SPTB: variants seen among roughly 807,000 people sequenced by gnomAD.
SPTB encodes spectrin beta, erythrocytic.
Under a neutral mutation model 256.2 loss-of-function variants are expected in SPTB, and 45 were observed. The observed-to-expected ratio is 0.18, with a 90% CI of 0.14 to 0.23. SPTB has a LOEUF of 0.23. Ranked by LOEUF, SPTB falls within the 10% of genes least tolerant of loss-of-function variation. The pLI is 1.00. For missense variants in SPTB, 2,715 were observed against 3,040.4 expected (o/e 0.89, Z 2.52); for synonymous variants, 1,231 against 1,243.1 (o/e 0.99, Z 0.21).
chr14:64,797,400 G>A (rs1347182944), intron 10 of SPTB, among the ~76,000 whole-genome samples: 3 of 147,384 alleles, frequency 2.0e-5, no homozygotes, highest in Non-Finnish European at 3.0e-5. Context: ...CCAGGAGGAC[G>A]AGGCTGCAGT....
chr14:64,827,703 G>A lies in SPTB; in HGVS notation c.-51-4558C>T, dbSNP rs1392499327. ...TCACTAGAATGAGAAGCAATAAGAC[G>A]TGCAGTGCAGAATACTTACTCTAAA... On this transcript the variant is annotated intron_variant, in intron 1 of 35. Coordinates refer to ENST00000644917, the MANE Select transcript of SPTB (RefSeq NM_001355436.2). The surrounding 1 kb of genome is among the most constrained non-coding windows in gnomAD (Gnocchi z 4.6). Among the ~76,000 whole-genome samples the A allele has an allele frequency of 6.6e-6, 1 of 152,162 alleles. No individual in the cohort carries two copies. The highest frequency in any genetic ancestry group is 1.5e-5 in the Non-Finnish European group (1 of 68,040).
At chr14:64,770,516 G>T (rs1029914464) in intron 27 of SPTB, among the ~76,000 whole-genome samples, 1 of 152,164 alleles carries the variant, frequency 6.6e-6, no homozygotes, top group East Asian at 1.9e-4. Flanking sequence ...TGGGGGAAGG[G>T]CCCCCTCACA....
At position 64,775,480 on chromosome 14, in the gene SPTB, C is replaced by T; in HGVS notation, c.4564-77G>A. ...GGCTGCTTCAGCAGTGGCAGCACAG[C>T]TCTGACACCCTTGGTCCCTCTCACC... On this transcript the variant is annotated intron_variant, in intron 22 of 35. Transcript: ENST00000644917. This position sits in a 1 kb window ranked among gnomAD's most constrained non-coding sequence, Gnocchi z 5.0. 2.0e-6 allele frequency: 3 copies of T among 1,536,708 alleles called. No individual in the cohort carries two copies. Among genetic ancestry groups the T allele is most frequent in the Non-Finnish European group, 2.6e-6 (3 of 1,136,228 alleles).
rs909195231 is a variant in SPTB, at chr14:64,779,623, C to T, written c.4473+102G>A. 3.5e-5 allele frequency: 41 copies of T among 1,184,616 alleles called. No individual in the cohort carries two copies. The highest frequency in any genetic ancestry group is 2.5e-6 in the Non-Finnish European group (2 of 792,650). The allele number at this position is 1,184,616 out of a possible 1,614,324, so 73.4% of individuals were successfully genotyped here. On this transcript the variant is annotated intron_variant, in intron 21 of 35. Transcript: ENST00000644917. This position sits in a 1 kb window ranked among gnomAD's most constrained non-coding sequence, Gnocchi z 4.2. The stretch of plus-strand genomic sequence containing the variant: ...CCTATGAGATAAGGGGTGAGGTGAC[C>T]AGTCATCTACTGCCAAAAATTGCTC...
chr14:64,879,248 C>G (rs954933358), intron 1 of SPTB, among the ~76,000 whole-genome samples: 6 of 152,192 alleles, frequency 3.9e-5, no homozygotes, highest in African/African-American at 1.4e-4. Context: ...CTCCCAGCAC[C>G]CGGAGGCCCG....
chr14:64,750,204 T>G, intron 33 of SPTB, 50 bp from the exon 34 acceptor site: 618 of 1,547,728 alleles, frequency 4.0e-4, no homozygotes, highest in Non-Finnish European at 5.1e-4. Context: ...ATGGTATCTC[T>G]AGAGTCAATT....
chr14:64,841,485 T>G lies in SPTB; in HGVS notation c.-51-18340A>C, dbSNP rs890031933. Among the ~76,000 whole-genome samples, 2 of 152,212 alleles carry G rather than the reference T, an allele frequency of 1.3e-5. No homozygotes were observed. Among genetic ancestry groups the G allele is most frequent in the African/African-American group, 4.8e-5 (2 of 41,452 alleles). ...AAGGCAACAGGAAAGAAAGATGATCTGCACTGGAGGCCCAGGAGGCTCTTC... is the reference window on the plus strand; with the variant it reads ...AAGGCAACAGGAAAGAAAGATGATCGGCACTGGAGGCCCAGGAGGCTCTTC... On this transcript the variant is annotated intron_variant, in intron 1 of 35. Coordinates refer to ENST00000644917, the MANE Select transcript of SPTB (RefSeq NM_001355436.2). The surrounding 1 kb of genome is among the most constrained non-coding windows in gnomAD (Gnocchi z 4.6).
In SPTB at chr14:64,806,539, G is replaced by A. The variant is rs190766012; in HGVS notation, c.149-1449C>T. On this transcript the variant is annotated intron_variant, in intron 2 of 35. Coordinates refer to ENST00000644917, the MANE Select transcript of SPTB (RefSeq NM_001355436.2). This position sits in a 1 kb window ranked among gnomAD's most constrained non-coding sequence, Gnocchi z 4.1. ...TGATTCAACAATAACAAAAAGAGGA[G>A]CTTAGCCAGTTCTGCCTCAAGGGTA... Among the ~76,000 whole-genome samples, 5 of 152,346 alleles carry A rather than the reference G, an allele frequency of 3.3e-5. No homozygotes were observed. In the East Asian group the frequency reaches 9.6e-4, roughly 29 times the overall value.
chr14:64,827,926 T>A lies in SPTB; in HGVS notation c.-51-4781A>T, dbSNP rs951883143. ...GTGGCCCAGATAAGCATGCCACCTA[T>A]GGGTGACCTTTCCAGTCGATGGACA... On this transcript the variant is annotated intron_variant, in intron 1 of 35. Transcript: ENST00000644917. The surrounding 1 kb of genome is among the most constrained non-coding windows in gnomAD (Gnocchi z 4.6). Among the ~76,000 whole-genome samples the A allele has an allele frequency of 1.3e-5, 2 of 152,190 alleles. No homozygotes were observed. The highest frequency in any genetic ancestry group is 2.9e-5 in the Non-Finnish European group (2 of 68,036).
intron 2 of SPTB, among the ~76,000 whole-genome samples, chr14:64,809,849 C>G (rs777440688): frequency 9.2e-5 from 14 of 152,094 alleles, no homozygotes; most frequent in Non-Finnish European, 1.8e-4. Context: ...GCTCCTGAGG[C>G]AGGCACAAGA....
chr14:64,837,943 G>A (rs1446969974), intron 1 of SPTB, among the ~76,000 whole-genome samples: 1 of 152,068 alleles, frequency 6.6e-6, no homozygotes, highest in African/African-American at 2.4e-5. Flanking sequence ...TCTATGGAAA[G>A]GCAAAGAAAA....
At chr14:64,849,359 T>C (rs1594841057) in intron 1 of SPTB, among the ~76,000 whole-genome samples, 1 of 152,244 alleles carries the variant, frequency 6.6e-6, no homozygotes, top group African/African-American at 2.4e-5. Context: ...TTAGCCCTGT[T>C]ACTCTATTAG....
chr14:64,753,593 T>C lies in SPTB; in HGVS notation c.6546A>G (p.Glu2182=). ...GGTCATGCTTGCGGCCCAGGTAGCC[T>C]TCCATCTGCACACTCTGCCCATGGT... ...PRDHGQSVQM[E]GYLGRKHDLE... Residue 2182 remains glutamate (E), a synonymous_variant, in exon 33 of 36, where the codon GAA becomes GAG. Coordinates refer to ENST00000644917, the MANE Select transcript of SPTB (RefSeq NM_001355436.2). 1 of 1,613,618 alleles carries C rather than the reference T, an allele frequency of 6.2e-7. No homozygotes were observed. The highest frequency in any genetic ancestry group is 8.5e-7 in the Non-Finnish European group (1 of 1,180,028).
chr14:64,753,381 C>T (rs768868316), intron 33 of SPTB, among the ~76,000 whole-genome samples, 156 bp downstream of exon 33: 4 of 152,102 alleles, frequency 2.6e-5, no homozygotes, highest in East Asian at 1.9e-4. Flanking sequence ...AAGTAGCCCT[C>T]GGGGCTGGCC....
chr14:64,765,023 TGC>T (rs567637164), intron 32 of SPTB, among the ~76,000 whole-genome samples: 30 of 108,374 alleles, frequency 2.8e-4, no homozygotes, highest in African/African-American at 5.9e-4. Flanking sequence ...GAGGAGTGTG[TGC>T]GTGTGTGTGT....
chr14:64,774,272 T>G, intron 24 of SPTB, 125 bp downstream of exon 24: 1 of 1,328,602 alleles, frequency 7.5e-7, no homozygotes. Flanking sequence ...CGCAGCAATT[T>G]TCTCCAGCCC....
intron 2 of SPTB, among the ~76,000 whole-genome samples, chr14:64,817,428 T>A (rs1185804396): frequency 6.6e-6 from 1 of 152,266 alleles, no homozygotes; most frequent in Non-Finnish European, 1.5e-5. Context: ...AACCCCATTT[T>A]ATGTTTTGAA....
At chr14:64,875,541 C>T (rs1882780366) in intron 1 of SPTB, among the ~76,000 whole-genome samples, 1 of 152,190 alleles carries the variant, frequency 6.6e-6, no homozygotes, top group African/African-American at 2.4e-5. Flanking sequence ...GTGACCTTCC[C>T]CTAATGGGGT....
At chr14:64,805,576 C>T (rs1197143836) in intron 2 of SPTB, among the ~76,000 whole-genome samples, 4 of 152,130 alleles carry the variant, frequency 2.6e-5, no homozygotes, top group African/African-American at 9.7e-5. Context: ...TGCCCTGCTC[C>T]CTGCATTTAC....
Sources: gnomAD v4.1 joint callset for allele counts (sites outside exome capture counted in the v4.1 genomes callset) on GRCh38, gnomAD v4.1.1 for gene constraint, Gnocchi (gnomAD v3.1) non-coding constraint, MANE v1.5 for transcripts, NCBI Gene and HGNC (gene_info 2026-07-23, HGNC 2026-07-21) for gene names.